PALM2AKAP2: variants seen among roughly 807,000 people sequenced by gnomAD.
The protein encoded by PALM2AKAP2 is PALM2-AKAP2 fusion protein.
PALM2AKAP2 carries 37 observed loss-of-function variants against 71.5 expected under a neutral mutation model. The observed-to-expected ratio is 0.52, with a 90% CI of 0.40 to 0.68. PALM2AKAP2 has a LOEUF of 0.68. Among genes scored for constraint, PALM2AKAP2 ranks in the 30% least tolerant of loss-of-function variants. The probability of loss-of-function intolerance (pLI) is 0.00; values close to 1 mark genes in which losing one functional copy is unlikely to be tolerated. For missense variants in PALM2AKAP2, 1,224 were observed against 1,191.8 expected (o/e 1.03, Z -0.40); for synonymous variants, 468 against 478.8 (o/e 0.98, Z 0.29).
chr9:110,042,234 C>T (rs1338466947), intron 7 of PALM2AKAP2, among the ~76,000 whole-genome samples: 1 of 152,146 alleles, frequency 6.6e-6, no homozygotes, highest in East Asian at 1.9e-4. Flanking sequence ...TGAGACCAGC[C>T]TGATCAACAT....
chr9:110,156,544 C>G, intron 3 of PALM2AKAP2, 47 bp downstream of exon 9: 2 of 1,537,586 alleles, frequency 1.3e-6, no homozygotes, highest in Non-Finnish European at 1.8e-6. Flanking sequence ...GCGCGGCCAT[C>G]GGTGTGGCGT....
intron 6 of PALM2AKAP2, among the ~76,000 whole-genome samples, chr9:109,969,697 G>A (rs574747960): frequency 6.6e-6 from 1 of 152,198 alleles, no homozygotes; most frequent in Admixed American, 6.5e-5. Context: ...GCCAAGCTTG[G>A]AGACAGGAGC....
chr9:109,693,424 AT>A (rs1177215491), intron 1 of PALM2AKAP2, among the ~76,000 whole-genome samples: 1 of 151,248 alleles, frequency 6.6e-6, no homozygotes, highest in Non-Finnish European at 1.5e-5. Flanking sequence ...GATTTGCTTT[AT>A]TTTTTCTTGG....
intron 1 of PALM2AKAP2, among the ~76,000 whole-genome samples, chr9:110,067,510 A>G (rs1834107007): frequency 6.6e-6 from 1 of 152,202 alleles, no homozygotes; most frequent in African/African-American, 2.4e-5. Flanking sequence ...AGAAGAAGAA[A>G]ACATGTGAGT....
intron 6 of PALM2AKAP2, among the ~76,000 whole-genome samples, chr9:110,009,828 G>A (rs577467765): frequency 6.6e-6 from 1 of 151,946 alleles, no homozygotes; most frequent in Non-Finnish European, 1.5e-5. Flanking sequence ...CCTCATGTGT[G>A]TCCCTGGCTT....
intron 6 of PALM2AKAP2, among the ~76,000 whole-genome samples, chr9:109,933,566 A>G (rs540288531): frequency 6.6e-6 from 1 of 152,374 alleles, no homozygotes; most frequent in South Asian, 2.1e-4. Context: ...TTAAAGTTCA[A>G]GAGTAACACA....
chr9:110,013,111 G>A (rs2132328733), intron 6 of PALM2AKAP2, among the ~76,000 whole-genome samples: 1 of 152,274 alleles, frequency 6.6e-6, no homozygotes, highest in South Asian at 2.1e-4. Context: ...GGTGCAGATT[G>A]GATCCAGATC....
intron 1 of PALM2AKAP2, among the ~76,000 whole-genome samples, chr9:110,133,170 A>G (rs756543409): frequency 6.6e-6 from 1 of 152,250 alleles, no homozygotes; most frequent in Admixed American, 6.5e-5. Context: ...TCATCTGCTC[A>G]TTCATCATCG....
At chr9:109,960,482 G>A (rs1323140277) in intron 6 of PALM2AKAP2, among the ~76,000 whole-genome samples, 1 of 152,196 alleles carries the variant, frequency 6.6e-6, no homozygotes, top group Non-Finnish European at 1.5e-5. Flanking sequence ...TGACAATCAA[G>A]ATATAATGCA....
intron 7 of PALM2AKAP2, among the ~76,000 whole-genome samples, chr9:110,033,784 C>G (rs990254505): frequency 6.6e-6 from 1 of 152,158 alleles, no homozygotes; most frequent in Non-Finnish European, 1.5e-5. Flanking sequence ...TGATCTAAGA[C>G]CACTGTAGTT....
chr9:110,008,246 G>A (rs925896030), intron 6 of PALM2AKAP2, among the ~76,000 whole-genome samples: 2 of 152,036 alleles, frequency 1.3e-5, no homozygotes, highest in African/African-American at 4.8e-5. Context: ...GAATGTCAGA[G>A]AAAAACTGTT....
At chr9:110,077,090 T>C (rs2118655932) in intron 1 of PALM2AKAP2, among the ~76,000 whole-genome samples, 1 of 152,290 alleles carries the variant, frequency 6.6e-6, no homozygotes, top group East Asian at 1.9e-4. Context: ...GAATCAATGT[T>C]CTCCATAGCT....
chr9:110,170,278 A>G (rs1271611581), exon 4 of PALM2AKAP2: 1 of 152,538 alleles, frequency 6.6e-6, no homozygotes. Context: ...AAAAAGCAAT[A>G]ATTAACTCAG....
At chr9:109,996,270 A>G (rs1032796081) in intron 6 of PALM2AKAP2, among the ~76,000 whole-genome samples, 1 of 152,232 alleles carries the variant, frequency 6.6e-6, no homozygotes, top group African/African-American at 2.4e-5. Flanking sequence ...TGTGGAGAAT[A>G]TAACAGGATC....
rs1302452644 is a variant in PALM2AKAP2 at position 109,924,634 on chromosome 9, C to CA, written c.373-420dup. Among the ~76,000 whole-genome samples, 6 of 151,878 alleles carry CA rather than the reference C, an allele frequency of 4.0e-5. 1 individual carries two copies. The highest frequency in any genetic ancestry group is 1.3e-4 in the Admixed American group (2 of 15,260). Reference sequence around the variant, plus strand: ...AAAACAAAAAACAAAGACAAACAAACAAAAAAACAGGTGGTGCCGTGTATC... The same window carrying CA: ...AAAACAAAAAACAAAGACAAACAAACAAAAAAAACAGGTGGTGCCGTGTATC... On this transcript the variant is annotated intron_variant, in intron 4 of 9. Coordinates refer to the PALM2AKAP2 transcript ENST00000302798.
intron 1 of PALM2AKAP2, among the ~76,000 whole-genome samples, chr9:109,737,753 A>T (rs1828658552): frequency 6.6e-6 from 1 of 152,266 alleles, no homozygotes; most frequent in Admixed American, 6.5e-5. Flanking sequence ...ATATGTAAGT[A>T]GTTCACTCAT....
chr9:109,943,036 A>G, intron 6 of PALM2AKAP2: 1 of 1,614,222 alleles, frequency 6.2e-7, no homozygotes, highest in Non-Finnish European at 8.5e-7. Context: ...TAAGTCTAGG[A>G]AAGACCATTC....
At chr9:109,880,763 A>C in intron 3 of PALM2AKAP2, 82 bp downstream of exon 3, 53 of 1,518,800 alleles carry the variant, frequency 3.5e-5, no homozygotes, top group Non-Finnish European at 4.3e-5. Flanking sequence ...GGCCTTTCTC[A>C]ATACTGTTAC....
intron 1 of PALM2AKAP2, among the ~76,000 whole-genome samples, chr9:110,104,819 G>A (rs1279833377): frequency 1.3e-5 from 2 of 152,186 alleles, no homozygotes; most frequent in African/African-American, 4.8e-5. Context: ...ATAGCTCCAA[G>A]CTATCTCATA....
Sources: gnomAD v4.1 joint callset for allele counts (sites outside exome capture counted in the v4.1 genomes callset) on GRCh38, gnomAD v4.1.1 for gene constraint, MANE v1.5 for transcripts, NCBI Gene and HGNC (gene_info 2026-07-23, HGNC 2026-07-21) for gene names.